Variants in SOX5 observed in about 807,000 individuals in gnomAD.
SOX5 encodes SRY-box transcription factor 5, also known as transcription factor SOX-5.
SOX5 carries 9 observed loss-of-function variants against 92.0 expected under a neutral mutation model. The observed-to-expected ratio is 0.10, with a 90% confidence interval of 0.06 to 0.17. SOX5 has a LOEUF of 0.17. Ranked by LOEUF, SOX5 falls within the 10% of genes least tolerant of loss-of-function variation. The pLI is 1.00. For missense variants in SOX5, 642 were observed against 944.5 expected, an observed-to-expected ratio of 0.68 and a Z score of 4.20; for synonymous variants, 344 against 336.3, an observed-to-expected ratio of 1.02 and a Z score of -0.25.
At chr12:23,682,146 C>T (rs752084418) in intron 6 of SOX5, among the ~76,000 whole-genome samples, 2 of 151,686 alleles carry the variant, frequency 1.3e-5, no homozygotes, top group Non-Finnish European at 3.0e-5. Context: ...TTTCAAAACC[C>T]ACAGAACATT....
intron 3 of SOX5, among the ~76,000 whole-genome samples, chr12:23,783,696 T>C (rs556313742): frequency 6.6e-6 from 1 of 152,318 alleles, no homozygotes; most frequent in East Asian, 1.9e-4. Flanking sequence ...GAAATTTTTC[T>C]TTTCTTTTTG....
chr12:24,488,704 TGTAA>T (rs1290593867), intron 1 of SOX5, among the ~76,000 whole-genome samples: 1 of 152,204 alleles, frequency 6.6e-6, no homozygotes, highest in Non-Finnish European at 1.5e-5. Flanking sequence ...AAGTAATAAG[TGTAA>T]GTATTTTAAA....
chr12:24,393,628 G>C lies in SOX5; in HGVS notation c.-250-24989C>G, dbSNP rs996378698. Among the ~76,000 whole-genome samples, 3 of 152,086 alleles carry C rather than the reference G, an allele frequency of 2.0e-5. No individual in the cohort carries two copies. The highest frequency in any genetic ancestry group is 7.2e-5 in the African/African-American group (3 of 41,418). On this transcript the variant is annotated intron_variant, in intron 1 of 4. Transcript: ENST00000446891. This position sits in a 1 kb window ranked among gnomAD's most constrained non-coding sequence, Gnocchi z 5.0. ...TTATGAAATAGATAATCTTTTATAC[G>C]GATTACGCTTTAAGACATGGCCCTT...
intron 5 of SOX5, among the ~76,000 whole-genome samples, chr12:23,737,702 C>T (rs1200500754): frequency 6.6e-6 from 1 of 152,116 alleles, no homozygotes; most frequent in East Asian, 1.9e-4. Flanking sequence ...CACCTCATGC[C>T]TGCCACACTG....
chr12:24,529,518 TTTACA>T (rs1950991000), intron 1 of SOX5, among the ~76,000 whole-genome samples: 1 of 152,154 alleles, frequency 6.6e-6, no homozygotes, highest in Non-Finnish European at 1.5e-5. Flanking sequence ...AAAATTTGTA[TTTACA>T]TTACTCAAGA....
At chr12:23,953,022 T>C (rs78895472), upstream of SOX5, among the ~76,000 whole-genome samples, 614 of 152,268 alleles carry the variant, frequency 4.0e-3, 13 homozygotes, top group East Asian at 0.051. Context: ...GTAATTGTTA[T>C]AAAAAATAAA....
chr12:23,865,578 G>C (rs2096802144), intron 2 of SOX5, among the ~76,000 whole-genome samples: 2 of 152,068 alleles, frequency 1.3e-5, no homozygotes, highest in African/African-American at 4.8e-5. Flanking sequence ...GGGAGGCTGA[G>C]GCAGGAGAAT....
At chr12:24,249,571 T>C (rs1167205755) in intron 3 of SOX5, among the ~76,000 whole-genome samples, 1 of 152,198 alleles carries the variant, frequency 6.6e-6, no homozygotes, top group Non-Finnish European at 1.5e-5. Context: ...ACAACAACTT[T>C]ACTCATCATT....
chr12:23,912,548 C>T (rs2097362921), intron 1 of SOX5, among the ~76,000 whole-genome samples: 1 of 152,112 alleles, frequency 6.6e-6, no homozygotes, highest in African/African-American at 2.4e-5. Flanking sequence ...AGGTACATAA[C>T]AGCATTATTC....
chr12:23,614,649 C>T (rs2076340516), intron 8 of SOX5, among the ~76,000 whole-genome samples: 1 of 152,118 alleles, frequency 6.6e-6, no homozygotes, highest in Non-Finnish European at 1.5e-5. Context: ...TGTGTGTTTT[C>T]ATTTCTTCTG....
rs962998921 is a variant in SOX5 at position 24,071,583 on chromosome 12, G to A, written c.-2+141760C>T. 5.9e-5 allele frequency among the ~76,000 whole-genome samples: 9 copies of A among 151,950 alleles called. No homozygotes were observed. The South Asian group carries it at 6.2e-4, about 11-fold the overall frequency. ...CTGAGTAGCTGGGATACAGGCACCC[G>A]CCACCACGCCCGGCTAATTTTTCAT... On this transcript the variant is annotated intron_variant, in intron 4 of 4. Coordinates refer to the SOX5 transcript ENST00000446891.
chr12:23,922,857 T>C (rs1938741154), intron 1 of SOX5, among the ~76,000 whole-genome samples: 1 of 152,056 alleles, frequency 6.6e-6, no homozygotes, highest in Non-Finnish European at 1.5e-5. Context: ...AAACAACTGG[T>C]AAACATACTG....
intron 3 of SOX5, among the ~76,000 whole-genome samples, chr12:24,217,545 G>A (rs986250865): frequency 2.0e-5 from 3 of 152,162 alleles, no homozygotes; most frequent in African/African-American, 7.2e-5. Flanking sequence ...AAAAGTCTTA[G>A]AAGAAAATGT....
At position 24,075,343 on chromosome 12, in the gene SOX5, A is replaced by AT. The variant is rs572530410; in HGVS notation, c.-2+137999dup. Among the ~76,000 whole-genome samples the AT allele has an allele frequency of 3.4e-3, 517 of 150,438 alleles. 4 individuals are homozygous for AT. Among genetic ancestry groups the AT allele is most frequent in the African/African-American group, 0.012 (500 of 41,060 alleles). On this transcript the variant is annotated intron_variant, in intron 4 of 4. Coordinates refer to the SOX5 transcript ENST00000446891. ...GAAACAGGACCTGCAGGTTTTCCTAATTTTTTATAGCACATAAGTCTTAAA... is the reference window on the plus strand; with the variant it reads ...GAAACAGGACCTGCAGGTTTTCCTAATTTTTTTATAGCACATAAGTCTTAAA...
chr12:24,247,652 T>A (rs906483624), intron 3 of SOX5, among the ~76,000 whole-genome samples: 33 of 144,072 alleles, frequency 2.3e-4, no homozygotes, highest in African/African-American at 8.3e-4. Flanking sequence ...TTACTTTTTT[T>A]TTTTTTTTTT....
chr12:24,423,092 T>TA (rs1466952993), intron 1 of SOX5, among the ~76,000 whole-genome samples: 5 of 152,190 alleles, frequency 3.3e-5, no homozygotes, highest in Non-Finnish European at 1.5e-5. Context: ...TTTGGTAAAT[T>TA]ATGGCTAATA....
intron 4 of SOX5, among the ~76,000 whole-genome samples, chr12:24,154,607 A>C (rs1294494813): frequency 1.3e-5 from 2 of 152,294 alleles, no homozygotes; most frequent in East Asian, 3.9e-4. Flanking sequence ...GGAGGCATTA[A>C]AAAAATTTAT....
chr12:23,908,427 A>G (rs1056174322), intron 1 of SOX5, among the ~76,000 whole-genome samples: 2 of 152,044 alleles, frequency 1.3e-5, no homozygotes, highest in East Asian at 1.9e-4. Context: ...TCGTTTATAT[A>G]TTGCTAAATT....
intron 3 of SOX5, among the ~76,000 whole-genome samples, chr12:23,802,136 C>T (rs1338702475): frequency 2.6e-5 from 4 of 151,924 alleles, no homozygotes; most frequent in South Asian, 2.1e-4. Flanking sequence ...TGCAGTGGTG[C>T]GATCTCGGCT....
Sources: gnomAD v4.1 joint callset for allele counts (sites outside exome capture counted in the v4.1 genomes callset) on GRCh38, gnomAD v4.1.1 for gene constraint, Gnocchi (gnomAD v3.1) non-coding constraint, MANE v1.5 for transcripts, NCBI Gene and HGNC (gene_info 2026-07-23, HGNC 2026-07-21) for gene names.